The following ARSB variants were observed in gnomAD, a reference collection of about 807,000 sequenced individuals.
The protein encoded by ARSB is N-acetylgalactosamine-4-sulfatase.
Under a neutral mutation model 50.9 loss-of-function variants are expected in ARSB, and 41 were observed. The observed-to-expected ratio is 0.81, with a 90% CI of 0.63 to 1.04. ARSB has a LOEUF of 1.04. Ranked by LOEUF, ARSB falls within the 50% of genes least tolerant of loss-of-function variation. ARSB has a pLI of 0.00. For synonymous variants in ARSB, 269 were observed against 284.8 expected (o/e 0.94, Z 0.56); for missense variants, 672 against 693.3 (o/e 0.97, Z 0.35).
At chr5:78,970,317 A>G (rs4704540) in intron 1 of ARSB, among the ~76,000 whole-genome samples, 51,318 of 152,098 alleles carry the variant, frequency 0.34, 8,779 homozygotes, top group Middle Eastern at 0.38. Context: ...TGTACAAAAA[A>G]TATAAAACAA....
intron 4 of ARSB, among the ~76,000 whole-genome samples, chr5:78,915,167 T>C (rs1382853755): frequency 6.6e-6 from 1 of 152,216 alleles, no homozygotes; most frequent in East Asian, 1.9e-4. Flanking sequence ...GCAATCAGCT[T>C]GGTTTCTGCT....
rs58773415 is a variant in ARSB, at chr5:78,834,607, GTATATATATATATATATATATA to G, written c.1213+4727_1213+4748del. ...ATACTATTTCATGGTATATATATGT[GTATATATATATATATATATATA>G]TATATATATATATATATGCCACATT... On this transcript the variant is annotated intron_variant, in intron 6 of 7. Coordinates refer to ENST00000264914, the MANE Select transcript of ARSB (RefSeq NM_000046.5). Among the ~76,000 whole-genome samples the G allele has an allele frequency of 5.2e-3, 442 of 85,644 alleles. 16 individuals are homozygous for G. In the South Asian group the frequency reaches 0.078, roughly 15 times the overall value. The allele number at this position is 85,644 out of a possible 152,430, so 56.2% of individuals were successfully genotyped here. A position where few individuals can be genotyped will look rare whatever the true frequency, so the allele number is the denominator to read the frequency against.
At chr5:78,905,093 T>C (rs973584348) in intron 4 of ARSB, among the ~76,000 whole-genome samples, 10 of 152,232 alleles carry the variant, frequency 6.6e-5, no homozygotes, top group African/African-American at 2.4e-4. Context: ...ATTTCAGATA[T>C]TGTGTTTTTC....
At chr5:78,850,057 T>A (rs1346264917) in intron 5 of ARSB, among the ~76,000 whole-genome samples, 1 of 151,916 alleles carries the variant, frequency 6.6e-6, no homozygotes, top group Non-Finnish European at 1.5e-5. Flanking sequence ...CTTTATTTCC[T>A]TCTCCTGCCT....
At chr5:78,962,069 T>C (rs1425656678) in intron 3 of ARSB, among the ~76,000 whole-genome samples, 2 of 152,194 alleles carry the variant, frequency 1.3e-5, no homozygotes, top group Admixed American at 1.3e-4. Flanking sequence ...CTAGGGAGGC[T>C]GATTAAGTAC....
chr5:78,973,357 C>A (rs572109937), intron 1 of ARSB, among the ~76,000 whole-genome samples: 40 of 152,302 alleles, frequency 2.6e-4, no homozygotes, highest in African/African-American at 9.1e-4. Context: ...AAAACAACTT[C>A]TCCTAAGATT....
chr5:78,955,609 C>T (rs1751690472), intron 3 of ARSB, 107 bp from the exon 4 acceptor site: 1 of 900,498 alleles, frequency 1.1e-6, no homozygotes, highest in African/African-American at 1.7e-5. Flanking sequence ...ATCAAGACAA[C>T]CTACAGAATG....
intron 1 of ARSB, among the ~76,000 whole-genome samples, chr5:78,976,672 A>G (rs1254901932): frequency 6.6e-6 from 1 of 152,236 alleles, no homozygotes; most frequent in Middle Eastern, 3.2e-3. Context: ...AATTACATGC[A>G]TCCAAAGAAT....
At chr5:78,923,648 T>C (rs1383618712) in intron 4 of ARSB, among the ~76,000 whole-genome samples, 1 of 152,226 alleles carries the variant, frequency 6.6e-6, no homozygotes, top group Non-Finnish European at 1.5e-5. Context: ...CCTCACATTC[T>C]GGAAAAGACT....
At chr5:78,965,076 C>T (rs1752150457) in intron 2 of ARSB, among the ~76,000 whole-genome samples, 1 of 152,168 alleles carries the variant, frequency 6.6e-6, no homozygotes, top group Admixed American at 6.5e-5. Flanking sequence ...TAGGAAGAGT[C>T]ATCTTTAGTC....
intron 6 of ARSB, among the ~76,000 whole-genome samples, chr5:78,802,346 A>C (rs886801131): frequency 1.3e-5 from 2 of 151,546 alleles, no homozygotes; most frequent in African/African-American, 4.8e-5. Context: ...AATTAAATAT[A>C]TTTAATACAT....
chr5:78,904,212 A>C (rs926263400), intron 4 of ARSB, among the ~76,000 whole-genome samples: 4 of 152,238 alleles, frequency 2.6e-5, no homozygotes, highest in Non-Finnish European at 5.9e-5. Context: ...ACTGCACAGA[A>C]GTACCACATC....
intron 6 of ARSB, among the ~76,000 whole-genome samples, chr5:78,796,865 G>T (rs1429860898): frequency 6.7e-6 from 1 of 148,726 alleles, no homozygotes; most frequent in African/African-American, 2.5e-5. Flanking sequence ...TGTTGGCCAG[G>T]ATGGTCTCGA....
intron 5 of ARSB, among the ~76,000 whole-genome samples, chr5:78,854,268 T>C (rs968187523): frequency 3.3e-5 from 5 of 152,232 alleles, no homozygotes; most frequent in African/African-American, 1.2e-4. Context: ...TCTACTAATT[T>C]TGGATTTGGC....
At chr5:78,892,259 T>C (rs1748340567) in intron 4 of ARSB, among the ~76,000 whole-genome samples, 1 of 139,022 alleles carries the variant, frequency 7.2e-6, no homozygotes, top group African/African-American at 2.8e-5. Flanking sequence ...TTTTTTTTTT[T>C]TTTTTTTTTT....
At chr5:78,883,626 A>G (rs1747865141) in intron 5 of ARSB, 1 of 152,240 alleles carries the variant, frequency 6.6e-6, no homozygotes, top group Non-Finnish European at 1.5e-5. Flanking sequence ...AAAATAATTG[A>G]AAGAAGGTTA....
chr5:78,894,949 G>A (rs1365455975), intron 4 of ARSB, among the ~76,000 whole-genome samples: 3 of 152,174 alleles, frequency 2.0e-5, no homozygotes, highest in Non-Finnish European at 4.4e-5. Flanking sequence ...GGAGCTCCAT[G>A]CCTAATGAGA....
chr5:78,848,648 G>A (rs976744288), intron 5 of ARSB, among the ~76,000 whole-genome samples: 1 of 152,062 alleles, frequency 6.6e-6, no homozygotes, highest in African/African-American at 2.4e-5. Flanking sequence ...TCATCACACT[G>A]ACTTCCACAA....
At chr5:78,870,268 T>C (rs1747065735) in intron 5 of ARSB, among the ~76,000 whole-genome samples, 1 of 117,386 alleles carries the variant, frequency 8.5e-6, no homozygotes, top group Non-Finnish European at 1.8e-5. Context: ...TTTCTGAAAC[T>C]ATTCCAATCA....
Sources: gnomAD v4.1 joint callset for allele counts (sites outside exome capture counted in the v4.1 genomes callset) on GRCh38, gnomAD v4.1.1 for gene constraint, MANE v1.5 for transcripts, NCBI Gene and HGNC (gene_info 2026-07-23, HGNC 2026-07-21) for gene names.